MYLK3: variants seen among roughly 807,000 people sequenced by gnomAD.
The protein encoded by MYLK3 is MLC kinase.
A neutral mutation model predicts 76.3 loss-of-function variants in MYLK3; 55 were observed. The ratio of observed to expected loss-of-function variants is 0.72; its 90% CI spans 0.58 to 0.90. The LOEUF is 0.90. Among genes scored for constraint, MYLK3 ranks in the 40% least tolerant of loss-of-function variants. The pLI is 0.00. For missense variants in MYLK3, 973 were observed against 1,053.6 expected (o/e 0.92, Z 1.06); for synonymous variants, 416 against 425.4 (o/e 0.98, Z 0.27).
At chr16:46,732,850 C>T (rs561501286) in intron 3 of MYLK3, among the ~76,000 whole-genome samples, 182 bp from the exon 4 acceptor site, 38 of 152,298 alleles carry the variant, frequency 2.5e-4, no homozygotes, top group African/African-American at 7.7e-4. Flanking sequence ...AGGATCCCAC[C>T]GGATGAGGGT....
At chr16:46,709,467 CTT>C (rs1966660504) in intron 12 of MYLK3, 70 bp downstream of exon 12, 1 of 1,433,410 alleles carries the variant, frequency 7.0e-7, no homozygotes, top group Non-Finnish European at 9.4e-7. Context: ...GAAAAGGAAA[CTT>C]AGCTACAGTT....
At chr16:46,741,921 C>T (rs1966938152) in intron 1 of MYLK3, among the ~76,000 whole-genome samples, 1 of 152,122 alleles carries the variant, frequency 6.6e-6, no homozygotes, top group Non-Finnish European at 1.5e-5. Context: ...CAGGCACGTG[C>T]CACCACCTCC....
upstream of MYLK3, among the ~76,000 whole-genome samples, chr16:46,749,201 G>A (rs962154046): frequency 2.6e-5 from 4 of 152,224 alleles, no homozygotes; most frequent in Middle Eastern, 3.2e-3. Flanking sequence ...GGTTACCCCC[G>A]AGGTGGGGCA....
intron 8 of MYLK3, among the ~76,000 whole-genome samples, chr16:46,721,620 A>G (rs981327426): frequency 3.9e-5 from 6 of 152,216 alleles, no homozygotes; most frequent in Non-Finnish European, 8.8e-5. Context: ...CTCCAGCCTC[A>G]GCCTCCCAAA....
intron 1 of MYLK3, among the ~76,000 whole-genome samples, chr16:46,742,354 C>T (rs1339496712): frequency 2.0e-5 from 3 of 151,608 alleles, no homozygotes; most frequent in Admixed American, 2.0e-4. Context: ...GTCAGGAGTT[C>T]AAGACCAGCC....
chr16:46,748,214 G>A lies in MYLK3; in HGVS notation c.-21C>T. 4 of 1,598,818 alleles carry A rather than the reference G, an allele frequency of 2.5e-6. No individual in the cohort carries two copies. Among genetic ancestry groups the A allele is most frequent in the Non-Finnish European group, 3.4e-6 (4 of 1,171,530 alleles). On this transcript the variant is annotated 5_prime_UTR_variant, in exon 1 of 13. Transcript: ENST00000394809. The surrounding 1 kb of genome is among the most constrained non-coding windows in gnomAD (Gnocchi z 4.3). ...GACATGCTGGTGCAGGCTTGACAAG[G>A]GCAAGAGCGGGGAATGAGGAGAGGC...
chr16:46,751,847 G>T (rs1227043732), upstream of MYLK3, among the ~76,000 whole-genome samples: 6 of 152,186 alleles, frequency 3.9e-5, no homozygotes, highest in Non-Finnish European at 5.9e-5. Flanking sequence ...CACTTTAGGA[G>T]AAATGAGTTT....
intron 8 of MYLK3, chr16:46,726,675 GAGAAAGAAAGAAAGAAAGAAAGAA>G (rs1204849346): frequency 2.1e-5 from 1 of 46,554 alleles, no homozygotes; most frequent in African/African-American, 5.9e-5. Context: ...AAGAAAGAAA[GAGAAAGAAAGAAAGAAAGAAAGAA>G]AGAAAGAAAG....
chr16:46,732,561 G>A lies in MYLK3; in HGVS notation c.1109C>T (p.Pro370Leu). 6.2e-7 allele frequency: 1 copy of A among 1,600,462 alleles called. No individual in the cohort carries two copies. The highest frequency in any genetic ancestry group is 8.5e-7 in the Non-Finnish European group (1 of 1,179,588). Reference protein sequence around the residue: ...LTTEAPAAAQPGKQGPPGTGR... With the variant: ...LTTEAPAAAQLGKQGPPGTGR... ...GGTCCCAGGTGGGCCCTGCTTGCCT[G>A]GCTGGGCAGCTGCTGGAGCCTCTGT... The change falls in exon 4 of 13, where the codon CCA becomes CTA. Residue 370 changes from proline (P) to leucine (L), a missense_variant. Physicochemically the swap from Pro to Leu is moderately conservative, Grantham distance 98. Coordinates refer to ENST00000394809, the MANE Select transcript of MYLK3 (RefSeq NM_182493.3).
chr16:46,754,257 G>T (rs1272019205), intron 1 of MYLK3, among the ~76,000 whole-genome samples: 1 of 151,652 alleles, frequency 6.6e-6, no homozygotes, highest in Non-Finnish European at 1.5e-5. Context: ...CAGTCATTAT[G>T]CAATTTTAGA....
Position 46,706,269 on chromosome 16 carries a change from G to A in MYLK3, c.*1435C>T, listed in dbSNP as rs1002008345. 2 of 150,808 alleles carry A rather than the reference G, an allele frequency of 1.3e-5. No individual in the cohort carries two copies. Among genetic ancestry groups the A allele is most frequent in the African/African-American group, 2.4e-5 (1 of 40,996 alleles). The allele number at this position is 150,808 out of a possible 1,614,324, so 9.3% of individuals were successfully genotyped here. ...TTCGTGTGTGTGTGTGTTTGTGTGT[G>A]TGTATATATACATATACTGTATTCT... On this transcript the variant is annotated 3_prime_UTR_variant, in exon 13 of 13. Transcript: ENST00000394809.
chr16:46,741,150 G>A lies in MYLK3; in HGVS notation c.478-1003C>T, dbSNP rs116708644. On this transcript the variant is annotated intron_variant, in intron 1 of 12. Coordinates refer to ENST00000394809, the MANE Select transcript of MYLK3 (RefSeq NM_182493.3). Reference sequence around the variant, plus strand: ...TCTCACTTTCCTCATCTGTAAAATGGGGATAATCATGTTATCAGCCTTGTA... The same window carrying A: ...TCTCACTTTCCTCATCTGTAAAATGAGGATAATCATGTTATCAGCCTTGTA... Among the ~76,000 whole-genome samples the A allele has an allele frequency of 2.6e-3, 394 of 152,298 alleles. 2 individuals carry two copies. The highest frequency in any genetic ancestry group is 8.9e-3 in the African/African-American group (372 of 41,566).
intron 6 of MYLK3, among the ~76,000 whole-genome samples, chr16:46,729,346 A>G (rs914805901): frequency 1.3e-5 from 2 of 152,162 alleles, no homozygotes; most frequent in African/African-American, 4.8e-5. Flanking sequence ...CTAAGGCCCA[A>G]CAAGGACAGG....
intron 1 of MYLK3, 23 bp downstream of exon 1, chr16:46,747,694 A>G (rs1283294636): frequency 1.3e-6 from 2 of 1,597,628 alleles, no homozygotes; most frequent in Admixed American, 3.4e-5. Flanking sequence ...CCATCCAGCC[A>G]GGGCAGGGAA....
intron 8 of MYLK3, among the ~76,000 whole-genome samples, chr16:46,724,636 A>G (rs975961090): frequency 6.6e-6 from 1 of 152,218 alleles, no homozygotes; most frequent in Non-Finnish European, 1.5e-5. Context: ...TAGACTCTCA[A>G]GTGTATTAAT....
At chr16:46,756,649 G>A (rs999399112) in intron 1 of MYLK3, among the ~76,000 whole-genome samples, 4 of 152,196 alleles carry the variant, frequency 2.6e-5, no homozygotes, top group East Asian at 1.9e-4. Flanking sequence ...ACGATTTTCC[G>A]AGGGAAGGAA....
chr16:46,745,414 C>G (rs942969764), intron 1 of MYLK3, among the ~76,000 whole-genome samples: 1 of 152,036 alleles, frequency 6.6e-6, no homozygotes, highest in African/African-American at 2.4e-5. Context: ...AATTAGAAAT[C>G]GGGGCCAGGA....
At chr16:46,733,619 G>C (rs978087504) in intron 3 of MYLK3, among the ~76,000 whole-genome samples, 1 of 152,144 alleles carries the variant, frequency 6.6e-6, no homozygotes, top group African/African-American at 2.4e-5. Flanking sequence ...CCTCTAGAAG[G>C]AAGGACCCTG....
chr16:46,756,582 G>C (rs1340101884), intron 1 of MYLK3, among the ~76,000 whole-genome samples: 8 of 152,218 alleles, frequency 5.3e-5, no homozygotes, highest in African/African-American at 1.9e-4. Context: ...ATTTATAACA[G>C]TCGTGTTGCA....
Sources: allele counts gnomAD v4.1 joint callset (sites outside exome capture counted in the v4.1 genomes callset), GRCh38; gene constraint gnomAD v4.1.1; non-coding constraint Gnocchi (gnomAD v3.1); transcripts MANE v1.5; gene names NCBI Gene and HGNC (gene_info 2026-07-23, HGNC 2026-07-21).